ALMS1: variants seen among roughly 807,000 people sequenced by gnomAD.
The protein encoded by ALMS1 is centrosome-associated protein ALMS1.
In ALMS1, 271 loss-of-function variants were observed where a neutral mutation model predicts 352.2. The ratio of observed to expected loss-of-function variants is 0.77; its 90% CI spans 0.70 to 0.85. The LOEUF (loss-of-function observed/expected upper bound fraction) is 0.85. ALMS1 is among the 40% of genes least tolerant of loss of function. ALMS1 has a pLI of 0.00. For synonymous variants in ALMS1, 1,865 were observed against 1,761.2 expected (o/e 1.06, Z -1.48); for missense variants, 5,445 against 4,870.7 (o/e 1.12, Z -3.51).
Position 73,598,857 on chromosome 2 carries a change from C to A in ALMS1, c.11548-544C>A, listed in dbSNP as rs80025416. ...CAGCTGCAATCCCTGAAATTGCCTT[C>A]ATTGCTCTACTTGCTCTGAACGTAA... On this transcript the variant is annotated intron_variant, in intron 16 of 22. Transcript: ENST00000613296. 3.9e-4 allele frequency among the ~76,000 whole-genome samples: 60 copies of A among 152,312 alleles called. No individual in the cohort carries two copies. The East Asian group carries it at 0.011, about 27-fold the overall frequency.
At chr2:73,406,443 T>G (rs1670974605) in intron 1 of ALMS1, among the ~76,000 whole-genome samples, 1 of 151,542 alleles carries the variant, frequency 6.6e-6, no homozygotes, top group Non-Finnish European at 1.5e-5. Flanking sequence ...TGGGTTTTTT[T>G]TTTTTTTTTT....
At chr2:73,467,712 G>T (rs1212671937) in intron 9 of ALMS1, among the ~76,000 whole-genome samples, 1 of 151,962 alleles carries the variant, frequency 6.6e-6, no homozygotes, top group Non-Finnish European at 1.5e-5. Context: ...TAGAATAGAT[G>T]AATCAATTAT....
intron 14 of ALMS1, 46 bp downstream of exon 14, chr2:73,557,400 A>G (rs1209938734): frequency 1.9e-6 from 3 of 1,611,630 alleles, no homozygotes; most frequent in Non-Finnish European, 2.5e-6. Flanking sequence ...CTGGTCTTCT[A>G]AAATGAGACT....
At chr2:73,596,939 G>C (rs147814746) in intron 16 of ALMS1, among the ~76,000 whole-genome samples, 9 of 131,470 alleles carry the variant, frequency 6.8e-5, no homozygotes, top group African/African-American at 2.6e-4. Flanking sequence ...ATAAAGTTGA[G>C]ATCATTTTGT....
Position 73,609,780 on chromosome 2 carries a change from A to G in ALMS1, c.*168A>G, listed in dbSNP as rs896118080. 2 of 687,724 alleles carry G rather than the reference A, an allele frequency of 2.9e-6. No individual in the cohort carries two copies. Among genetic ancestry groups the G allele is most frequent in the African/African-American group, 3.6e-5 (2 of 55,452 alleles). 42.6% of individuals were successfully genotyped at this position (687,724 alleles called of 1,614,324 possible). ...AACAAAGTGGTGATTAAAATTCCTA[A>G]TGGTTTGGGAGCAATACTTTCTGCA... On this transcript the variant is annotated 3_prime_UTR_variant, in exon 23 of 23. Transcript: ENST00000613296.
chr2:73,579,060 A>ATTTTTTTTTT (rs1675113474), intron 16 of ALMS1, among the ~76,000 whole-genome samples: 3 of 79,530 alleles, frequency 3.8e-5, no homozygotes, highest in Non-Finnish European at 6.9e-5. Context: ...TTTCTCCTTT[A>ATTTTTTTTTT]TTCTTTTTTT....
chr2:73,599,450 G>C lies in ALMS1; in HGVS notation c.11597G>C (p.Ser3866Thr), dbSNP rs748068711. 2 of 1,613,526 alleles carry C rather than the reference G, an allele frequency of 1.2e-6. No individual in the cohort carries two copies. The highest frequency in any genetic ancestry group is 1.7e-6 in the Non-Finnish European group (2 of 1,179,684). Residue 3866 changes from serine to threonine, a missense_variant, in exon 17 of 23, where the codon AGT becomes ACT. Physicochemically the swap from Ser to Thr is moderately conservative, Grantham distance 58. Coordinates refer to ENST00000613296, the MANE Select transcript of ALMS1 (RefSeq NM_001378454.1). Reference sequence around the variant, plus strand: ...GACTCTATTTCCTCTTCTGCCAGTAGTTTCCTGAGCTCAAACTCTACTTTT... The same window carrying C: ...GACTCTATTTCCTCTTCTGCCAGTACTTTCCTGAGCTCAAACTCTACTTTT... ...SSDSISSSASSFLSSNSTFCN... is the reference protein window; with the variant it reads ...SSDSISSSASTFLSSNSTFCN...
intron 8 of ALMS1, among the ~76,000 whole-genome samples, chr2:73,454,955 T>C (rs971944013): frequency 3.9e-5 from 6 of 152,218 alleles, no homozygotes; most frequent in Non-Finnish European, 8.8e-5. Context: ...TGTAGAATTA[T>C]CTATAGAGCA....
chr2:73,590,765 A>G (rs1361441449), intron 16 of ALMS1, among the ~76,000 whole-genome samples: 2 of 135,380 alleles, frequency 1.5e-5, no homozygotes, highest in Non-Finnish European at 3.0e-5. Context: ...TGCAACCTCC[A>G]CCTTGCGGGT....
At chr2:73,521,639 A>G (rs916004157) in intron 11 of ALMS1, among the ~76,000 whole-genome samples, 2 of 150,322 alleles carry the variant, frequency 1.3e-5, no homozygotes, top group African/African-American at 2.4e-5. Context: ...AGTCCCAGCT[A>G]CTTGGGAGGC....
At position 73,455,179 on chromosome 2, in the gene ALMS1, A is replaced by G; in HGVS notation, c.7558A>G (p.Asn2520Asp). The change falls in exon 9 of 23, where the codon AAT (asparagine) becomes GAT (aspartate). Residue 2520 changes from asparagine to aspartate, a missense_variant. By Grantham distance (23) the Asn-to-Asp change is conservative. Coordinates refer to ENST00000613296, the MANE Select transcript of ALMS1 (RefSeq NM_001378454.1). ...VRAHAWNMKF[N>D]LAHDCGYSIS... is the part of the protein sequence containing the mutation. ...CTCTCCAGCCTGGAATATGAAGTTC[A>G]ATTTAGCACATGATTGTGGATACTC... is the stretch of plus-strand genomic sequence containing the variant. 6.2e-7 allele frequency: 1 copy of G among 1,613,284 alleles called. No individual in the cohort carries two copies. Among genetic ancestry groups the G allele is most frequent in the Non-Finnish European group, 8.5e-7 (1 of 1,179,740 alleles).
chr2:73,569,293 G>A (rs1674871534), intron 15 of ALMS1, among the ~76,000 whole-genome samples: 1 of 151,882 alleles, frequency 6.6e-6, no homozygotes, highest in African/African-American at 2.4e-5. Flanking sequence ...GGGATTACAG[G>A]CCTGAGCCAC....
intron 20 of ALMS1, 110 bp downstream of exon 20, chr2:73,602,478 A>G (rs545966408): frequency 1.8e-5 from 24 of 1,342,120 alleles, no homozygotes; most frequent in African/African-American, 1.0e-4. Context: ...CTGGGCAGAC[A>G]GTGACCTTTT....
chr2:73,389,036 G>A (rs1298716407), intron 1 of ALMS1, among the ~76,000 whole-genome samples: 1 of 152,166 alleles, frequency 6.6e-6, no homozygotes, highest in Non-Finnish European at 1.5e-5. Flanking sequence ...TTCCATAGGA[G>A]TTGAACAATT....
intron 12 of ALMS1, among the ~76,000 whole-genome samples, chr2:73,536,553 A>G (rs565743418): frequency 6.6e-5 from 10 of 151,712 alleles, no homozygotes; most frequent in Non-Finnish European, 1.3e-4. Flanking sequence ...TTCTTAGACC[A>G]GTAGACCTAC....
chr2:73,512,102 G>A (rs980596426), intron 10 of ALMS1, among the ~76,000 whole-genome samples: 1 of 152,088 alleles, frequency 6.6e-6, no homozygotes, highest in Non-Finnish European at 1.5e-5. Context: ...GTCTCACTCT[G>A]TCACCCAGGC....
Position 73,451,587 on chromosome 2 carries a change from A to C in ALMS1, c.5060A>C (p.Glu1687Ala). ...QTLSDSHLPEEALKVPPVPGP... is the reference protein window; with the variant it reads ...QTLSDSHLPEAALKVPPVPGP... Reference sequence around the variant, plus strand: ...CTATCAGACAGTCATTTACCTGAAGAAGCTCTGAAAGTTCCACCTGTTCCT... The same window carrying C: ...CTATCAGACAGTCATTTACCTGAAGCAGCTCTGAAAGTTCCACCTGTTCCT... Residue 1687 changes from glutamate to alanine, a missense_variant, in exon 8 of 23, where the codon GAA (glutamate) becomes GCA (alanine). By Grantham distance (107) the Glu-to-Ala change is moderately radical. Transcript: ENST00000613296. 1 of 1,614,088 alleles carries C rather than the reference A, an allele frequency of 6.2e-7. No individual in the cohort carries two copies. Among genetic ancestry groups the C allele is most frequent in the Non-Finnish European group, 8.5e-7 (1 of 1,180,006 alleles).
chr2:73,498,678 T>C (rs531268054), intron 10 of ALMS1, among the ~76,000 whole-genome samples: 4 of 152,328 alleles, frequency 2.6e-5, no homozygotes, highest in African/African-American at 4.8e-5. Context: ...GTTTGTCTTT[T>C]TATGCCTGGT....
intron 2 of ALMS1, among the ~76,000 whole-genome samples, chr2:73,414,666 AT>A (rs1306153183): frequency 6.6e-6 from 1 of 151,980 alleles, no homozygotes; most frequent in African/African-American, 2.4e-5. Flanking sequence ...TGACACTATT[AT>A]TAATCATTAC....
Sources: gnomAD v4.1 joint callset for allele counts (sites outside exome capture counted in the v4.1 genomes callset) on GRCh38, gnomAD v4.1.1 for gene constraint, MANE v1.5 for transcripts, NCBI Gene and HGNC (gene_info 2026-07-23, HGNC 2026-07-21) for gene names.